Variants in HEPH observed in about 807,000 individuals in gnomAD.
HEPH encodes hephaestin.
A neutral mutation model predicts 80.8 loss-of-function variants in HEPH; 69 were observed. That is an observed-to-expected ratio of 0.85 (90% CI 0.70 to 1.04). HEPH has a LOEUF of 1.04. HEPH is among the 50% of genes least tolerant of loss of function. The pLI is 0.00. For missense variants in HEPH, 1,115 were observed against 891.3 expected (o/e 1.25, Z -3.20); for synonymous variants, 431 against 322.8 (o/e 1.34, Z -3.60).
rs201781803 is a variant in HEPH, at chrX:66,202,936, TATAC to T, written c.2078-426_2078-423del. On this transcript the variant is annotated intron_variant, in intron 12 of 20. Coordinates refer to ENST00000343002, the MANE Select transcript of HEPH (RefSeq NM_001367233.3). ...GCATATATATATATATATATATATA[TATAC>T]ACACACACACACACACATAATATAT... Among the ~76,000 whole-genome samples, 308 of 101,855 alleles carry T rather than the reference TATAC, an allele frequency of 3.0e-3. 4 individuals carry two copies. The highest frequency in any genetic ancestry group is 0.011 in the African/African-American group (291 of 27,612). The allele number at this position is 101,855 out of a possible 115,157, so 88.4% of individuals were successfully genotyped here.
chrX:66,201,204 A>G (rs2088431876), intron 12 of HEPH, among the ~76,000 whole-genome samples: 1 of 110,031 alleles, frequency 9.1e-6, no homozygotes, highest in Non-Finnish European at 1.9e-5. Flanking sequence ...TCTACCCATG[A>G]TGCGCCCCAC....
At chrX:66,203,259 T>G in intron 12 of HEPH, 105 bp from the exon 13 acceptor site, 1 of 637,151 alleles carries the variant, frequency 1.6e-6, no homozygotes, top group Non-Finnish European at 2.4e-6. Flanking sequence ...TGAGACTATC[T>G]GAAACTAACT....
At chrX:66,264,982 A>G (rs1396305248) in intron 20 of HEPH, among the ~76,000 whole-genome samples, 1 of 109,369 alleles carries the variant, frequency 9.1e-6, no homozygotes, top group Non-Finnish European at 1.9e-5. Flanking sequence ...AGTTTCTACA[A>G]TGGGGAAAAA....
chrX:66,221,450 C>T (rs1194831865), intron 15 of HEPH, among the ~76,000 whole-genome samples: 1 of 112,506 alleles, frequency 8.9e-6, no homozygotes, highest in Non-Finnish European at 1.9e-5. Flanking sequence ...TTAAAGTTAC[C>T]ACAGCATGGG....
intron 12 of HEPH, among the ~76,000 whole-genome samples, chrX:66,202,174 G>T (rs1456661181): frequency 9.0e-6 from 1 of 111,512 alleles, no homozygotes; most frequent in African/African-American, 3.3e-5. Flanking sequence ...ATACTTGGGG[G>T]TGGGGTGGGC....
chrX:66,250,216 A>G lies in HEPH; in HGVS notation c.2564-4819A>G, dbSNP rs187950190. Reference sequence around the variant, plus strand: ...TGTTTTGTTGATGACTCTTTCCAACACTCAACATGTAGTATTTGTTCAATA... The same window carrying G: ...TGTTTTGTTGATGACTCTTTCCAACGCTCAACATGTAGTATTTGTTCAATA... On this transcript the variant is annotated intron_variant, in intron 15 of 20. Coordinates refer to ENST00000343002, the MANE Select transcript of HEPH (RefSeq NM_001367233.3). Among the ~76,000 whole-genome samples the G allele has an allele frequency of 4.2e-3, 465 of 111,403 alleles. 3 individuals are homozygous for G. The highest frequency in any genetic ancestry group is 0.015 in the African/African-American group (447 of 30,652).
chrX:66,255,441 G>A (rs759261437), intron 16 of HEPH, among the ~76,000 whole-genome samples: 1 of 111,155 alleles, frequency 9.0e-6, no homozygotes, highest in East Asian at 2.8e-4. Flanking sequence ...AGAAACCTGG[G>A]ATTGGTTGTA....
intron 15 of HEPH, among the ~76,000 whole-genome samples, chrX:66,253,279 A>C (rs2091064514): frequency 8.9e-6 from 1 of 111,966 alleles, no homozygotes; most frequent in Admixed American, 9.5e-5. Flanking sequence ...CCCATAACCC[A>C]ATTTAAAATG....
At chrX:66,227,938 G>T (rs781137493) in intron 15 of HEPH, among the ~76,000 whole-genome samples, 1 of 111,220 alleles carries the variant, frequency 9.0e-6, no homozygotes, top group South Asian at 3.8e-4. Flanking sequence ...GAAGAATAAT[G>T]TTGGTATTTT....
At chrX:66,211,324 A>C (rs2089103191) in intron 15 of HEPH, among the ~76,000 whole-genome samples, 2 of 111,804 alleles carry the variant, frequency 1.8e-5, no homozygotes, top group Admixed American at 9.5e-5. Context: ...TTACATGTAT[A>C]TTATGTATAG....
chrX:66,231,559 C>G (rs1318768851), intron 15 of HEPH, among the ~76,000 whole-genome samples: 5 of 109,873 alleles, frequency 4.6e-5, no homozygotes, highest in Non-Finnish European at 9.5e-5. Context: ...GGAGTTCACT[C>G]ATGATTTGGC....
intron 18 of HEPH, among the ~76,000 whole-genome samples, 184 bp from the exon 19 acceptor site, chrX:66,259,916 C>T (rs2091304586): frequency 1.9e-5 from 2 of 107,973 alleles, no homozygotes; most frequent in East Asian, 2.9e-4. Context: ...TTAGTAGAGA[C>T]GGGGTTTCAT....
At chrX:66,262,102 T>A (rs2091384564) in intron 19 of HEPH, among the ~76,000 whole-genome samples, 2 of 112,534 alleles carry the variant, frequency 1.8e-5, no homozygotes, top group African/African-American at 3.2e-5. Flanking sequence ...TTTGCCCTTT[T>A]GTTTTTTTAT....
intron 15 of HEPH, among the ~76,000 whole-genome samples, chrX:66,227,165 G>T (rs1254019545): frequency 1.8e-5 from 2 of 111,843 alleles, no homozygotes; most frequent in African/African-American, 6.5e-5. Flanking sequence ...CACATAAATA[G>T]AATTAAAAAC....
intron 15 of HEPH, among the ~76,000 whole-genome samples, chrX:66,216,869 G>A (rs902026697): frequency 1.1e-4 from 12 of 111,538 alleles, no homozygotes; most frequent in African/African-American, 3.9e-4. Context: ...GACAGCATAA[G>A]TAAATAGTTA....
rs1218088796 is a variant in HEPH at position 66,266,611 on chromosome X, T to A, written c.3416T>A (p.Leu1139Gln). ...TGGTACCAACATCGACAGAGAAAGC[T>A]ACGACGCAATAGGAGGTCCATCCTG... ...VVWYQHRQRK[L>Q]RRNRRSILDD... Residue 1139 changes from leucine (L) to glutamine (Q), a missense_variant, in exon 21 of 21, where the codon CTA becomes CAA. Coordinates refer to ENST00000343002, the MANE Select transcript of HEPH (RefSeq NM_001367233.3). 1 of 1,207,715 alleles carries A rather than the reference T, an allele frequency of 8.3e-7. No individual in the cohort carries two copies. The highest frequency in any genetic ancestry group is 1.1e-6 in the Non-Finnish European group (1 of 894,212).
In HEPH at chrX:66,170,546, C is replaced by G. The variant is rs764465674; in HGVS notation, c.-13-12C>G. 4.2e-6 allele frequency: 5 copies of G among 1,196,548 alleles called. No individual in the cohort carries two copies. In the Admixed American group the frequency reaches 1.1e-4, roughly 27 times the overall value. ...CTTCTACACCAGCAGTTTTTATTTG[C>G]CTGTTTCCCAGAGTAATGTGGGCCA... On this transcript the variant is annotated splice_polypyrimidine_tract_variant and intron_variant, in intron 1 of 20. Transcript: ENST00000343002.
At chrX:66,214,073 G>A (rs1399147481) in intron 15 of HEPH, among the ~76,000 whole-genome samples, 1 of 112,037 alleles carries the variant, frequency 8.9e-6, no homozygotes, top group Non-Finnish European at 1.9e-5. Flanking sequence ...TGGGTAAACT[G>A]GATATGTGAA....
At chrX:66,233,191 G>A (rs980737448) in intron 15 of HEPH, among the ~76,000 whole-genome samples, 14 of 111,410 alleles carry the variant, frequency 1.3e-4, no homozygotes, top group Admixed American at 1.1e-3. Flanking sequence ...TAACCAATTG[G>A]CCAACTGGAT....
Sources: allele counts gnomAD v4.1 joint callset (sites outside exome capture counted in the v4.1 genomes callset), GRCh38; gene constraint gnomAD v4.1.1; transcripts MANE v1.5; gene names NCBI Gene and HGNC (gene_info 2026-07-23, HGNC 2026-07-21).